The following CRYBG1 variants were observed in gnomAD, a reference collection of about 807,000 sequenced individuals.
The protein encoded by CRYBG1 is crystallin beta-gamma domain containing 1.
CRYBG1 carries 139 observed loss-of-function variants against 189.2 expected under a neutral mutation model. That is an observed-to-expected ratio of 0.73 (90% CI 0.64 to 0.85). CRYBG1 has a LOEUF of 0.85. Among genes scored for constraint, CRYBG1 ranks in the 40% least tolerant of loss-of-function variants. The pLI is 0.00. For synonymous variants in CRYBG1, 1,023 were observed against 1,017.1 expected, an observed-to-expected ratio of 1.01 and a Z score of -0.11; for missense variants, 2,611 against 2,675.8, an observed-to-expected ratio of 0.98 and a Z score of 0.53.
intron 1 of CRYBG1, among the ~76,000 whole-genome samples, chr6:106,417,309 G>A (rs1236174993): frequency 1.3e-5 from 2 of 152,148 alleles, no homozygotes; most frequent in Non-Finnish European, 2.9e-5. Context: ...GACAAGAGAG[G>A]CATCTAGGGC....
chr6:106,490,917 ATATAG>A (rs1772707823), intron 2 of CRYBG1, among the ~76,000 whole-genome samples: 1 of 152,134 alleles, frequency 6.6e-6, no homozygotes, highest in Admixed American at 6.5e-5. Context: ...TGTCCTCATG[ATATAG>A]TATAATATCT....
chr6:106,450,399 C>G (rs571541356), intron 1 of CRYBG1, among the ~76,000 whole-genome samples: 3 of 152,140 alleles, frequency 2.0e-5, no homozygotes, highest in Non-Finnish European at 4.4e-5. Context: ...GTTTCTGTTG[C>G]GAAATGCTGA....
intron 1 of CRYBG1, among the ~76,000 whole-genome samples, chr6:106,386,318 G>A (rs1207056371): frequency 2.0e-5 from 3 of 152,182 alleles, no homozygotes; most frequent in Non-Finnish European, 4.4e-5. Flanking sequence ...GTTGGCTTGT[G>A]AGCTTACCAA....
chr6:106,454,381 A>T (rs1771844194), intron 2 of CRYBG1, among the ~76,000 whole-genome samples: 1 of 152,028 alleles, frequency 6.6e-6, no homozygotes, highest in South Asian at 2.1e-4. Context: ...ACACCCCACT[A>T]CCACCTCCCT....
intron 1 of CRYBG1, among the ~76,000 whole-genome samples, chr6:106,365,733 G>T (rs1771975800): frequency 6.6e-6 from 1 of 150,432 alleles, no homozygotes; most frequent in South Asian, 2.1e-4. Context: ...GAACTGAATT[G>T]AACTCCACAT....
At chr6:106,553,708 T>A in intron 16 of CRYBG1, 141 bp downstream of exon 16, 1 of 652,790 alleles carries the variant, frequency 1.5e-6, no homozygotes. Flanking sequence ...CTTCGTGATA[T>A]CTGAGTACCA....
At chr6:106,375,021 G>A (rs564990013) in intron 1 of CRYBG1, among the ~76,000 whole-genome samples, 1 of 152,152 alleles carries the variant, frequency 6.6e-6, no homozygotes, top group South Asian at 2.1e-4. Context: ...GAGGTGGGGG[G>A]GGCATAACCT....
At chr6:106,533,724 AG>A (rs1293519603) in intron 8 of CRYBG1, among the ~76,000 whole-genome samples, 11 of 152,202 alleles carry the variant, frequency 7.2e-5, no homozygotes, top group African/African-American at 2.4e-4. Flanking sequence ...GAGACGAAAA[AG>A]ACTTGGAGGA....
chr6:106,384,881 G>A (rs976308413), intron 1 of CRYBG1, among the ~76,000 whole-genome samples: 2 of 143,660 alleles, frequency 1.4e-5, no homozygotes, highest in African/African-American at 5.0e-5. Flanking sequence ...TGTCTTTTGT[G>A]TTTGGGGTGC....
At chr6:106,463,135 T>C (rs200689823) in intron 2 of CRYBG1, among the ~76,000 whole-genome samples, 2,930 of 152,038 alleles carry the variant, frequency 0.019, 104 homozygotes, top group East Asian at 0.13. Context: ...GCCTGGGTGA[T>C]AGAGAAAGAC....
intron 8 of CRYBG1, among the ~76,000 whole-genome samples, chr6:106,534,625 A>G (rs1201734880): frequency 6.6e-6 from 1 of 152,188 alleles, no homozygotes; most frequent in Admixed American, 6.5e-5. Flanking sequence ...AAGCTCTTCT[A>G]CTCATACACA....
intron 1 of CRYBG1, among the ~76,000 whole-genome samples, chr6:106,362,122 A>G (rs1771888057): frequency 8.4e-6 from 1 of 118,914 alleles, no homozygotes; most frequent in South Asian, 2.8e-4. Flanking sequence ...GGCGCCCGCC[A>G]CCACGCCCGG....
At position 106,521,283 on chromosome 6, in the gene CRYBG1, T is replaced by C. The variant is rs776424472; in HGVS notation, c.4075T>C (p.Leu1359=). Residue 1359 remains leucine, a synonymous_variant, in exon 4 of 22, where the codon TTG becomes CTG. Transcript: ENST00000633556. ...CTTGCCAGAAACTAAATTTTCTGAA[T>C]TGTCAAAACTGAAGAATGATGATAT... The part of the protein sequence containing the change: ...LHLPETKFSE[L]SKLKNDDMEK... 1.4e-5 allele frequency: 22 copies of C among 1,613,926 alleles called. No homozygotes were observed. The South Asian group carries it at 2.1e-4, about 15-fold the overall frequency.
At chr6:106,559,767 CAA>C (rs1374345257) in intron 18 of CRYBG1, among the ~76,000 whole-genome samples, 1 of 151,508 alleles carries the variant, frequency 6.6e-6, no homozygotes, top group Non-Finnish European at 1.5e-5. Context: ...GCCTGGGTGA[CAA>C]GAGTGAAACT....
At chr6:106,429,896 G>A (rs1771294893) in intron 1 of CRYBG1, among the ~76,000 whole-genome samples, 1 of 152,116 alleles carries the variant, frequency 6.6e-6, no homozygotes. Flanking sequence ...AAATTGTCAA[G>A]GTGCTTAGTA....
intron 1 of CRYBG1, among the ~76,000 whole-genome samples, chr6:106,425,978 C>T (rs1008595474): frequency 3.3e-5 from 5 of 152,130 alleles, no homozygotes; most frequent in Non-Finnish European, 5.9e-5. Context: ...CTGCATGGGC[C>T]CTAAGTGCTG....
At chr6:106,529,146 A>G (rs576739002) in intron 7 of CRYBG1, among the ~76,000 whole-genome samples, 30 of 152,196 alleles carry the variant, frequency 2.0e-4, no homozygotes, top group African/African-American at 7.0e-4. Flanking sequence ...GGGTTTTGCC[A>G]TATTGGCCAG....
chr6:106,384,888 G>GAGTAATGCTCAAACTCTTTTGAAAGC (rs1233299055), intron 1 of CRYBG1, among the ~76,000 whole-genome samples: 1 of 145,938 alleles, frequency 6.9e-6, no homozygotes, highest in Non-Finnish European at 1.5e-5. Flanking sequence ...TGTGTTTGGG[G>GAGTAATGCTCAAACTCTTTTGAAAGC]TGCAGTCTCT....
In CRYBG1 at chr6:106,563,877, T is replaced by C. The variant is rs745407308; in HGVS notation, c.6252T>C (p.Asp2084=). 80 of 1,613,510 alleles carry C rather than the reference T, an allele frequency of 5.0e-5. No individual in the cohort carries two copies. Among genetic ancestry groups the C allele is most frequent in the Admixed American group, 6.7e-5 (4 of 60,008 alleles). ...GCCAGTTCTGGAGCTTGAAGTCCGA[T>C]GGCAGGATTTACAGCAAGTTGAAGC... The part of the protein sequence containing the change: ...ADSQFWSLKS[D]GRIYSKLKPN... The change falls in exon 21 of 22, where the codon GAT becomes GAC. Residue 2084 remains aspartate (D), a synonymous_variant. Coordinates refer to ENST00000633556, the MANE Select transcript of CRYBG1 (RefSeq NM_001371242.2).
Sources: gnomAD v4.1 joint callset for allele counts (sites outside exome capture counted in the v4.1 genomes callset) on GRCh38, gnomAD v4.1.1 for gene constraint, MANE v1.5 for transcripts, NCBI Gene and HGNC (gene_info 2026-07-23, HGNC 2026-07-21) for gene names.